Variants in CD109 observed in about 807,000 individuals in gnomAD.
The protein encoded by CD109 is CD109 antigen.
CD109 carries 149 observed loss-of-function variants against 165.8 expected under a neutral mutation model. That is an observed-to-expected ratio of 0.90 (90% CI 0.79 to 1.03). CD109 has a LOEUF of 1.03. Ranked by LOEUF, CD109 falls within the 50% of genes least tolerant of loss-of-function variation. The pLI is 0.00. For synonymous variants in CD109, 585 were observed against 592.1 expected, an observed-to-expected ratio of 0.99 and a Z score of 0.18; for missense variants, 1,712 against 1,677.8, an observed-to-expected ratio of 1.02 and a Z score of -0.36.
intron 2 of CD109, among the ~76,000 whole-genome samples, chr6:73,712,191 G>A (rs1427071402): frequency 2.2e-5 from 3 of 134,200 alleles, no homozygotes; most frequent in East Asian, 2.2e-4. Context: ...CCTGGGCAAC[G>A]AAGCGAGACT....
rs1203169465 is a variant in CD109, at chr6:73,825,963, G to GT, written c.*2331dup. 6.6e-6 allele frequency: 1 copy of GT among 152,166 alleles called. No homozygotes were observed. The highest frequency in any genetic ancestry group is 2.4e-5 in the African/African-American group (1 of 41,432). 9.4% of individuals were successfully genotyped at this position (152,166 alleles called of 1,614,324 possible). A position where few individuals can be genotyped will look rare whatever the true frequency, so the allele number is the denominator to read the frequency against. ...ACTGCACTCCAGCCTGGGGGACAGA[G>GT]TGAGATTCTGTCTCAAAAAACAAAA... On this transcript the variant is annotated 3_prime_UTR_variant, in exon 33 of 33. Transcript: ENST00000287097.
intron 17 of CD109, among the ~76,000 whole-genome samples, chr6:73,781,890 T>G (rs918747148): frequency 6.6e-6 from 1 of 151,948 alleles, no homozygotes; most frequent in South Asian, 2.1e-4. Flanking sequence ...CATCCTAGTT[T>G]CTTGAATTGC....
intron 2 of CD109, among the ~76,000 whole-genome samples, chr6:73,704,631 G>A (rs1246872658): frequency 6.6e-6 from 1 of 152,142 alleles, no homozygotes; most frequent in East Asian, 1.9e-4. Flanking sequence ...ATTTGGGCTG[G>A]GTTACTGTTG....
At chr6:73,791,162 T>TATATATACACACATACAC (rs1562070942) in intron 22 of CD109, among the ~76,000 whole-genome samples, 3 of 36,310 alleles carry the variant, frequency 8.3e-5, no homozygotes, top group African/African-American at 3.0e-4. Flanking sequence ...TATATATATA[T>TATATATACACACATACAC]ATATATATAT....
intron 10 of CD109, among the ~76,000 whole-genome samples, chr6:73,764,123 G>T (rs143457387): frequency 6.3e-4 from 96 of 152,300 alleles, no homozygotes; most frequent in African/African-American, 2.1e-3. Flanking sequence ...TTGTGTGAAT[G>T]TTGACAATGA....
chr6:73,690,442 T>TATCAAAAGATA, the CD109 span, among the ~76,000 whole-genome samples: 1 of 152,206 alleles, frequency 6.6e-6, no homozygotes, highest in Non-Finnish European at 1.5e-5. Context: ...GCTCTTGTTG[T>TATCAAAAGATA]CCAGGCTGGA....
At chr6:73,789,705 C>T (rs1330254984) in intron 22 of CD109, among the ~76,000 whole-genome samples, 1 of 151,960 alleles carries the variant, frequency 6.6e-6, no homozygotes, top group African/African-American at 2.4e-5. Flanking sequence ...CATGATCCAC[C>T]CGCCTCGGCC....
chr6:73,718,600 C>T (rs1400909368), intron 2 of CD109, among the ~76,000 whole-genome samples: 1 of 151,002 alleles, frequency 6.6e-6, no homozygotes, highest in African/African-American at 2.4e-5. Context: ...AGAGTCAGTG[C>T]AGAGCAGTGG....
rs1462615541 is a variant in CD109, at chr6:73,723,387, T to G, written c.276+108T>G. On this transcript the variant is annotated intron_variant, in intron 3 of 32. Coordinates refer to ENST00000287097, the MANE Select transcript of CD109 (RefSeq NM_133493.5). Reference sequence around the variant, plus strand: ...GTCAATTCACACATTTCACGTTTCATGTAAGTTTGGCTTGAGTTTAGTTCA... The same window carrying G: ...GTCAATTCACACATTTCACGTTTCAGGTAAGTTTGGCTTGAGTTTAGTTCA... 9 of 902,304 alleles carry G rather than the reference T, an allele frequency of 1.0e-5. No homozygotes were observed. The Admixed American group carries it at 1.5e-4, about 15-fold the overall frequency. 55.9% of individuals were successfully genotyped at this position (902,304 alleles called of 1,614,324 possible).
In CD109 at chr6:73,810,850, C is replaced by T. The variant is rs1440795390; in HGVS notation, c.3547-142C>T. ...TCTGAGCCTCTCCTGTACTCTAGGC[C>T]AAGGACATTCAAATATGAATCAGGG... On this transcript the variant is annotated intron_variant, in intron 27 of 32. Coordinates refer to ENST00000287097, the MANE Select transcript of CD109 (RefSeq NM_133493.5). 4 of 784,978 alleles carry T rather than the reference C, an allele frequency of 5.1e-6. No individual in the cohort carries two copies. The Admixed American group carries it at 1.1e-4, about 22-fold the overall frequency. 48.6% of individuals were successfully genotyped at this position (784,978 alleles called of 1,614,324 possible).
chr6:73,807,033 C>A lies in CD109; in HGVS notation c.3150C>A (p.Ala1050=). ...GGNKSPVTLT[A]YIVTSLLGYR... is the part of the protein sequence containing the mutation. ...ATAAAAGTCCAGTAACACTTACAGC[C>A]TATATTGTAACTTCTCTCCTGGGAT... Residue 1050 remains alanine (A), a synonymous_variant, in exon 25 of 33, where the codon GCC becomes GCA. Coordinates refer to ENST00000287097, the MANE Select transcript of CD109 (RefSeq NM_133493.5). 6.2e-7 allele frequency: 1 copy of A among 1,613,604 alleles called. No individual in the cohort carries two copies. The highest frequency in any genetic ancestry group is 1.3e-5 in the African/African-American group (1 of 75,016).
chr6:73,769,750 C>T (rs1159011819), intron 14 of CD109, among the ~76,000 whole-genome samples: 4 of 152,150 alleles, frequency 2.6e-5, no homozygotes, highest in South Asian at 2.1e-4. Context: ...AGCCATGGGG[C>T]TCTGAGGTAC....
chr6:73,802,312 T>A (rs1263864937), intron 23 of CD109, among the ~76,000 whole-genome samples: 41 of 139,684 alleles, frequency 2.9e-4, no homozygotes, highest in Non-Finnish European at 5.7e-4. Context: ...TATATTTTTT[T>A]TTTTTTTTTT....
chr6:73,761,204 C>G (rs9442959), intron 7 of CD109, among the ~76,000 whole-genome samples: 76,613 of 152,060 alleles, frequency 0.5, 19,697 homozygotes, highest in African/African-American at 0.61. Context: ...AAACCTTCCT[C>G]GCTAATATTG....
Position 73,797,401 on chromosome 6 carries a change from A to G in CD109, c.2878+4599A>G, listed in dbSNP as rs1775200766. On this transcript the variant is annotated intron_variant, in intron 23 of 32. Transcript: ENST00000287097. The stretch of plus-strand genomic sequence containing the variant: ...CAAACCAAGTCTAATTGAAAACACT[A>G]TATTTCCTCCATTGAAATAAAAATA... Among the ~76,000 whole-genome samples, 4 of 152,240 alleles carry G rather than the reference A, an allele frequency of 2.6e-5. No individual in the cohort carries two copies. In the South Asian group the frequency reaches 6.2e-4, roughly 24 times the overall value.
Position 73,741,100 on chromosome 6 carries a change from C to CT in CD109, c.633+4605dup, listed in dbSNP as rs79222141. On this transcript the variant is annotated intron_variant, in intron 5 of 32. Transcript: ENST00000287097. Reference sequence around the variant, plus strand: ...CATAAGTTCTCAATATATACATAGACTTTTTTTTTTTTTACAATGCTAGTT... The same window carrying CT: ...CATAAGTTCTCAATATATACATAGACTTTTTTTTTTTTTTACAATGCTAGTT... 1.4e-3 allele frequency among the ~76,000 whole-genome samples: 201 copies of CT among 144,212 alleles called. 1 individual carries two copies. Among genetic ancestry groups the CT allele is most frequent in the Admixed American group, 1.9e-3 (28 of 14,376 alleles). 94.6% of individuals were successfully genotyped at this position (144,212 alleles called of 152,430 possible). A position where few individuals can be genotyped will look rare whatever the true frequency, so the allele number is the denominator to read the frequency against.
intron 24 of CD109, among the ~76,000 whole-genome samples, chr6:73,805,594 G>A (rs1250293837): frequency 6.6e-6 from 1 of 152,160 alleles, no homozygotes; most frequent in Admixed American, 6.5e-5. Flanking sequence ...GCTGGGGGAC[G>A]GTCAGGTCTT....
At chr6:73,817,285 G>A (rs569379883) in intron 30 of CD109, among the ~76,000 whole-genome samples, 4 of 152,222 alleles carry the variant, frequency 2.6e-5, no homozygotes, top group African/African-American at 9.6e-5. Flanking sequence ...AGTATAATCT[G>A]CATTGTGCTT....
chr6:73,818,340 A>T, intron 30 of CD109, 48 bp from the exon 31 acceptor site: 1 of 1,602,254 alleles, frequency 6.2e-7, no homozygotes, highest in Non-Finnish European at 8.5e-7. Flanking sequence ...GATAACAGCT[A>T]TGGGTTTTTC....
Sources: gnomAD v4.1 joint callset for allele counts (sites outside exome capture counted in the v4.1 genomes callset) on GRCh38, gnomAD v4.1.1 for gene constraint, MANE v1.5 for transcripts, NCBI Gene and HGNC (gene_info 2026-07-23, HGNC 2026-07-21) for gene names.